The following SPAG16 variants were observed in gnomAD, a reference collection of about 807,000 sequenced individuals.
SPAG16 encodes sperm associated antigen 16, also known as sperm-associated antigen 16 protein.
In SPAG16, 86 loss-of-function variants were observed where a neutral mutation model predicts 80.4. That is an observed-to-expected ratio of 1.07 (90% CI 0.90 to 1.28). The LOEUF is 1.28. SPAG16 is among the 50% of genes most tolerant of loss of function. SPAG16 has a pLI of 0.00. For synonymous variants in SPAG16, 294 were observed against 265.9 expected (o/e 1.11, Z -1.03); for missense variants, 870 against 765.3 (o/e 1.14, Z -1.61).
chr2:213,974,400 A>T (rs1347682484), intron 12 of SPAG16, among the ~76,000 whole-genome samples: 1 of 152,026 alleles, frequency 6.6e-6, no homozygotes, highest in Non-Finnish European at 1.5e-5. Flanking sequence ...TCAATAAATA[A>T]AAGATTTGCT....
intron 15 of SPAG16, among the ~76,000 whole-genome samples, chr2:214,400,862 G>A (rs577294618): frequency 6.6e-6 from 1 of 152,076 alleles, no homozygotes; most frequent in East Asian, 1.9e-4. Flanking sequence ...TTTGTGATAT[G>A]AACTTCTACC....
intron 10 of SPAG16, among the ~76,000 whole-genome samples, chr2:213,649,956 G>A (rs557485230): frequency 4.3e-4 from 66 of 152,086 alleles, no homozygotes; most frequent in Non-Finnish European, 3.2e-4. Flanking sequence ...TAAATAAAGG[G>A]GCTCAGAGGC....
At chr2:213,679,962 C>G (rs1398785878) in intron 10 of SPAG16, among the ~76,000 whole-genome samples, 1 of 152,004 alleles carries the variant, frequency 6.6e-6, no homozygotes, top group Admixed American at 6.6e-5. Flanking sequence ...GACTAATACA[C>G]AATATTCACA....
chr2:214,133,986 G>A (rs997895229), intron 14 of SPAG16, among the ~76,000 whole-genome samples: 5 of 152,120 alleles, frequency 3.3e-5, no homozygotes, highest in African/African-American at 1.2e-4. Context: ...ATCAGTAGTT[G>A]GAAATAAAGA....
chr2:214,123,120 A>AAAAAAATT (rs1472105608), intron 14 of SPAG16, among the ~76,000 whole-genome samples: 1 of 151,910 alleles, frequency 6.6e-6, no homozygotes, highest in Admixed American at 6.6e-5. Flanking sequence ...AGCAGCCATT[A>AAAAAAATT]AAAAAATTAA....
At chr2:213,917,758 C>T (rs186428556) in intron 11 of SPAG16, among the ~76,000 whole-genome samples, 2 of 152,176 alleles carry the variant, frequency 1.3e-5, no homozygotes, top group East Asian at 3.9e-4. Context: ...TATATGGATG[C>T]CTTTTCTTTC....
chr2:213,925,130 A>G (rs998433569), intron 11 of SPAG16, among the ~76,000 whole-genome samples: 2 of 8,478 alleles, frequency 2.4e-4, no homozygotes, highest in Non-Finnish European at 3.8e-3. Flanking sequence ...ATACTATATC[A>G]TTATTGTTTT....
At chr2:214,366,461 C>T (rs529056115) in intron 15 of SPAG16, among the ~76,000 whole-genome samples, 7 of 152,046 alleles carry the variant, frequency 4.6e-5, no homozygotes, top group East Asian at 3.9e-4. Context: ...TCTTAGAGAA[C>T]GATTACTCAA....
intron 3 of SPAG16, among the ~76,000 whole-genome samples, chr2:213,300,216 G>A (rs2062679524): frequency 1.3e-5 from 2 of 152,050 alleles, no homozygotes; most frequent in Non-Finnish European, 2.9e-5. Flanking sequence ...ATTCCCTGAT[G>A]CTTTTCCTCC....
chr2:214,185,977 G>T (rs548118504), intron 15 of SPAG16, among the ~76,000 whole-genome samples: 1 of 152,144 alleles, frequency 6.6e-6, no homozygotes, highest in South Asian at 2.1e-4. Flanking sequence ...TTCTGTTAGG[G>T]CAGAGTCCTT....
chr2:213,676,867 A>G (rs879372760), intron 10 of SPAG16, among the ~76,000 whole-genome samples: 76 of 150,972 alleles, frequency 5.0e-4, no homozygotes, highest in Admixed American at 3.2e-3. Flanking sequence ...GTCTCTGCCC[A>G]GCTTTGGTAT....
chr2:213,741,812 T>G (rs1007985201), intron 10 of SPAG16, among the ~76,000 whole-genome samples: 1 of 152,172 alleles, frequency 6.6e-6, no homozygotes, highest in African/African-American at 2.4e-5. Flanking sequence ...GATTTGCAAT[T>G]GTTATATCTA....
chr2:213,684,678 C>T (rs980658434), intron 10 of SPAG16, among the ~76,000 whole-genome samples: 1 of 152,124 alleles, frequency 6.6e-6, no homozygotes, highest in African/African-American at 2.4e-5. Flanking sequence ...ATAATAAAAA[C>T]ATCATTTAAA....
intron 15 of SPAG16, among the ~76,000 whole-genome samples, chr2:214,242,463 C>T (rs1402190255): frequency 1.3e-5 from 2 of 152,176 alleles, no homozygotes; most frequent in African/African-American, 4.8e-5. Context: ...GTTTTCTTTT[C>T]TCCTTCAGAG....
chr2:213,356,354 T>A (rs1259218531), intron 7 of SPAG16, among the ~76,000 whole-genome samples: 4 of 152,228 alleles, frequency 2.6e-5, no homozygotes, highest in African/African-American at 9.6e-5. Flanking sequence ...CTGGCAGAAT[T>A]TGGCTGTGAA....
chr2:213,944,097 G>A (rs2079335072), intron 12 of SPAG16, among the ~76,000 whole-genome samples: 1 of 152,154 alleles, frequency 6.6e-6, no homozygotes, highest in African/African-American at 2.4e-5. Flanking sequence ...TGGGGGACAG[G>A]GCTGCCTCCA....
rs796894751 is a variant in SPAG16, at chr2:214,350,272, T to G, written c.1721-59868T>G. 3.9e-5 allele frequency among the ~76,000 whole-genome samples: 6 copies of G among 152,272 alleles called. No individual in the cohort carries two copies. In the South Asian group the frequency reaches 8.3e-4, roughly 21 times the overall value. On this transcript the variant is annotated intron_variant, in intron 15 of 15. Coordinates refer to ENST00000331683, the MANE Select transcript of SPAG16 (RefSeq NM_024532.5). The stretch of plus-strand genomic sequence containing the variant: ...TTCAAGTACTTTTTGCTTCATTCTC[T>G]CTTTCCTCTCTTCTCGGACTCCAGT...
chr2:213,403,069 C>T (rs1426756934), intron 9 of SPAG16, among the ~76,000 whole-genome samples: 2 of 152,012 alleles, frequency 1.3e-5, no homozygotes, highest in East Asian at 1.9e-4. Context: ...TCCTATTTCT[C>T]CACATCCTCT....
intron 10 of SPAG16, among the ~76,000 whole-genome samples, chr2:213,682,945 G>A (rs2125267075): frequency 6.6e-6 from 1 of 152,214 alleles, no homozygotes; most frequent in Non-Finnish European, 1.5e-5. Flanking sequence ...AAAAAAATAA[G>A]TATGGCTATT....
Sources: gnomAD v4.1 joint callset for allele counts (sites outside exome capture counted in the v4.1 genomes callset) on GRCh38, gnomAD v4.1.1 for gene constraint, MANE v1.5 for transcripts, NCBI Gene and HGNC (gene_info 2026-07-23, HGNC 2026-07-21) for gene names.